FGF12: variants seen among roughly 807,000 people sequenced by gnomAD.
FGF12 encodes the protein fibroblast growth factor 12.
FGF12 carries 14 observed loss-of-function variants against 23.6 expected under a neutral mutation model. The observed-to-expected ratio is 0.59, with a 90% CI of 0.39 to 0.93. The LOEUF (loss-of-function observed/expected upper bound fraction) is 0.93, where lower values mean the gene tolerates loss of function less well. Among genes scored for constraint, FGF12 ranks in the 40% least tolerant of loss-of-function variants. The probability of loss-of-function intolerance (pLI) is 0.00; values close to 1 mark genes in which losing one functional copy is unlikely to be tolerated. For missense variants in FGF12, 175 were observed against 217.8 expected (o/e 0.80, Z 1.24); for synonymous variants, 62 against 77.3 (o/e 0.80, Z 1.04).
intron 2 of FGF12, among the ~76,000 whole-genome samples, chr3:192,454,232 G>T (rs181870170): frequency 1.8e-3 from 280 of 152,116 alleles, no homozygotes; most frequent in African/African-American, 6.5e-3. Context: ...TAGAGATGGG[G>T]TCTCACCGTG....
At chr3:192,179,103 A>G (rs1560180749) in intron 4 of FGF12, among the ~76,000 whole-genome samples, 1 of 152,056 alleles carries the variant, frequency 6.6e-6, no homozygotes, top group Non-Finnish European at 1.5e-5. Context: ...CAAGAGAAAT[A>G]TTGTTTTCCA....
At chr3:192,386,591 A>T (rs947358737) in intron 2 of FGF12, among the ~76,000 whole-genome samples, 14 of 152,306 alleles carry the variant, frequency 9.2e-5, no homozygotes, top group African/African-American at 3.4e-4. Flanking sequence ...AATAAATATG[A>T]GTATGAAAGT....
chr3:192,691,714 T>C (rs533677271), intron 2 of FGF12, among the ~76,000 whole-genome samples: 2 of 151,240 alleles, frequency 1.3e-5, no homozygotes, highest in Non-Finnish European at 2.9e-5. Context: ...AAATAGAAAC[T>C]AGAACTATTT....
intron 2 of FGF12, among the ~76,000 whole-genome samples, chr3:192,511,168 A>AT (rs1337546673): frequency 2.0e-5 from 3 of 151,848 alleles, no homozygotes; most frequent in Non-Finnish European, 1.5e-5. Context: ...AAGGAGGTTG[A>AT]TTTTCTGGGG....
intron 2 of FGF12, among the ~76,000 whole-genome samples, chr3:192,658,938 T>C (rs1716548620): frequency 6.6e-6 from 1 of 152,100 alleles, no homozygotes; most frequent in African/African-American, 2.4e-5. Context: ...TACACAGGAT[T>C]CAAAGGTAAG....
In FGF12 at chr3:192,408,289, C is replaced by A; in HGVS notation, c.14-47751G>T. The A allele has an allele frequency of 6.7e-7, 1 of 1,486,030 alleles. No homozygotes were observed. Among genetic ancestry groups the A allele is most frequent in the African/African-American group, 1.4e-5 (1 of 71,668 alleles). The allele number at this position is 1,486,030 out of a possible 1,614,324, so 92.1% of individuals were successfully genotyped here. A position where few individuals can be genotyped will look rare whatever the true frequency, so the allele number is the denominator to read the frequency against. The stretch of plus-strand genomic sequence containing the variant: ...CCCTCCGGCTTGCGCTCCGCCGGGG[C>A]GAGGGCAGGACCTGGGCGGCCAGGG... On this transcript the variant is annotated intron_variant, in intron 2 of 5. Transcript: ENST00000445105. This position sits in a 1 kb window ranked among gnomAD's most constrained non-coding sequence, Gnocchi z 7.3.
chr3:192,247,782 G>T (rs953206941), intron 4 of FGF12, among the ~76,000 whole-genome samples: 1 of 152,184 alleles, frequency 6.6e-6, no homozygotes, highest in Non-Finnish European at 1.5e-5. Flanking sequence ...AAGGCCAAAA[G>T]AGTGAGGTAG....
At chr3:192,719,622 T>C (rs1304705151) in intron 2 of FGF12, among the ~76,000 whole-genome samples, 1 of 151,698 alleles carries the variant, frequency 6.6e-6, no homozygotes, top group Non-Finnish European at 1.5e-5. Context: ...GTTGAACATG[T>C]TTTGAAATGA....
In FGF12 at chr3:192,718,161, C is replaced by CTTT. The variant is rs71177369; in HGVS notation, c.13+9017_13+9019dup. Among the ~76,000 whole-genome samples, 571 of 77,930 alleles carry CTTT rather than the reference C, an allele frequency of 7.3e-3. 24 individuals carry two copies. The highest frequency in any genetic ancestry group is 0.019 in the African/African-American group (396 of 20,478). 51.1% of individuals were successfully genotyped at this position (77,930 alleles called of 152,430 possible). A position where few individuals can be genotyped will look rare whatever the true frequency, so the allele number is the denominator to read the frequency against. Reference sequence around the variant, plus strand: ...GTTTGTCATTATTCTGTTAGTCTTTCTTTTTTTTTTTTTTTTTTTTTTTTA... The same window carrying CTTT: ...GTTTGTCATTATTCTGTTAGTCTTTCTTTTTTTTTTTTTTTTTTTTTTTTTTTA... On this transcript the variant is annotated intron_variant, in intron 2 of 5. Transcript: ENST00000445105.
Position 192,413,684 on chromosome 3 carries a change from G to T in FGF12, c.14-53146C>A, listed in dbSNP as rs183304275. On this transcript the variant is annotated intron_variant, in intron 2 of 5. Coordinates refer to ENST00000445105, the MANE Select transcript of FGF12 (RefSeq NM_004113.6). ...AATGATTAACCTTGACATTGTCATG[G>T]CAAACAGAATTTCATTAGTGGAATA... is the stretch of plus-strand genomic sequence containing the variant. 2.1e-3 allele frequency among the ~76,000 whole-genome samples: 316 copies of T among 152,270 alleles called. 1 individual carries two copies. The highest frequency in any genetic ancestry group is 3.2e-3 in the Non-Finnish European group (220 of 68,016).
In FGF12 at chr3:192,487,330, T is replaced by C. The variant is rs76765690; in HGVS notation, c.14-126792A>G. On this transcript the variant is annotated intron_variant, in intron 2 of 5. Transcript: ENST00000445105. ...TGGTAAAGACTATGCCAACTTGATC[T>C]TTTTTTTCTAAACCTGATCTTAATT... is the stretch of plus-strand genomic sequence containing the variant. 7.4e-3 allele frequency among the ~76,000 whole-genome samples: 1,122 copies of C among 152,168 alleles called. 16 individuals are homozygous for C. The highest frequency in any genetic ancestry group is 0.024 in the African/African-American group (1,003 of 41,532).
intron 2 of FGF12, among the ~76,000 whole-genome samples, chr3:192,554,766 C>T (rs1442863482): frequency 1.4e-5 from 2 of 145,778 alleles, no homozygotes; most frequent in Non-Finnish European, 3.0e-5. Context: ...TAAATTGCTA[C>T]TATAAAGATG....
chr3:192,364,312 C>T (rs1718874758), intron 2 of FGF12, among the ~76,000 whole-genome samples: 1 of 152,148 alleles, frequency 6.6e-6, no homozygotes, highest in South Asian at 2.1e-4. Context: ...GTTTATATGA[C>T]TCCTTGATTT....
chr3:192,512,835 A>AATAAATATATATATATATATATATAT (rs35779279), intron 2 of FGF12, among the ~76,000 whole-genome samples: 2 of 76,770 alleles, frequency 2.6e-5, no homozygotes, highest in South Asian at 4.6e-4. Flanking sequence ...TACTCAAATA[A>AATAAATATATATATATATATATATAT]ATATATATAT....
chr3:192,158,382 C>CTTTCTTT (rs1325095002), intron 5 of FGF12, among the ~76,000 whole-genome samples: 1 of 81,468 alleles, frequency 1.2e-5, no homozygotes, highest in South Asian at 4.0e-4. Flanking sequence ...TTCTTTCTTT[C>CTTTCTTT]TTTTCTTTCT....
chr3:192,221,499 G>A (rs1718475430), intron 4 of FGF12, among the ~76,000 whole-genome samples: 1 of 152,112 alleles, frequency 6.6e-6, no homozygotes, highest in Non-Finnish European at 1.5e-5. Context: ...TTTATACTAA[G>A]GTACGTTAAT....
chr3:192,628,434 C>A (rs1715256790), intron 2 of FGF12, among the ~76,000 whole-genome samples: 2 of 125,708 alleles, frequency 1.6e-5, no homozygotes, highest in Non-Finnish European at 1.6e-5. Flanking sequence ...TCATTCCAAC[C>A]AAAGGAATAC....
chr3:192,614,776 A>G (rs966405528), intron 2 of FGF12, among the ~76,000 whole-genome samples: 6 of 151,966 alleles, frequency 3.9e-5, no homozygotes, highest in South Asian at 2.1e-4. Context: ...AGTGAGAGAG[A>G]GAAAGGTTTT....
chr3:192,180,552 G>C (rs1180697431), intron 4 of FGF12, among the ~76,000 whole-genome samples: 1 of 152,194 alleles, frequency 6.6e-6, no homozygotes, highest in African/African-American at 2.4e-5. Flanking sequence ...AAGGATGAAA[G>C]TAGGGATGTT....
Sources: gnomAD v4.1 joint callset for allele counts (sites outside exome capture counted in the v4.1 genomes callset) on GRCh38, gnomAD v4.1.1 for gene constraint, Gnocchi (gnomAD v3.1) non-coding constraint, MANE v1.5 for transcripts, NCBI Gene and HGNC (gene_info 2026-07-23, HGNC 2026-07-21) for gene names.